The following ROCK2 variants were observed in gnomAD, a reference collection of about 807,000 sequenced individuals.
The protein encoded by ROCK2 is Rho associated coiled-coil containing protein kinase 2.
A neutral mutation model predicts 195.1 loss-of-function variants in ROCK2; 61 were observed. The ratio of observed to expected loss-of-function variants is 0.31; its 90% confidence interval spans 0.25 to 0.39. ROCK2 has a LOEUF of 0.39. Ranked by LOEUF, ROCK2 falls within the 10% of genes least tolerant of loss-of-function variation. The probability of loss-of-function intolerance (pLI) is 1.00; values close to 1 mark genes in which losing one functional copy is unlikely to be tolerated. For synonymous variants in ROCK2, 504 were observed against 545.5 expected (o/e 0.92, Z 1.06); for missense variants, 1,109 against 1,637.4 (o/e 0.68, Z 5.57).
chr2:11,326,921 G>A (rs999841749), intron 1 of ROCK2, among the ~76,000 whole-genome samples: 4 of 152,168 alleles, frequency 2.6e-5, no homozygotes, highest in African/African-American at 7.2e-5. Flanking sequence ...GAGACCATCC[G>A]GGGAGGATAC....
At position 11,192,650 on chromosome 2, in the gene ROCK2, T is replaced by C. The variant is rs1308954432; in HGVS notation, c.3750A>G (p.Gly1250=). 6.2e-7 allele frequency: 1 copy of C among 1,613,972 alleles called. No individual in the cohort carries two copies. The highest frequency in any genetic ancestry group is 1.3e-5 in the African/African-American group (1 of 75,060). Residue 1250 remains glycine, a synonymous_variant, in exon 31 of 33, where the codon GGA becomes GGG. Coordinates refer to ENST00000315872, the MANE Select transcript of ROCK2 (RefSeq NM_004850.5). This position sits in a 1 kb window ranked among gnomAD's most constrained non-coding sequence, Gnocchi z 5.0. ...TGTGGCAAATATAATTAGATTTTTCTCCAACTGGCTCCACTGGAAATTCTT... is the reference window on the plus strand; with the variant it reads ...TGTGGCAAATATAATTAGATTTTTCCCCAACTGGCTCCACTGGAAATTCTT... The part of the protein sequence containing the change: ...KEQEFPVEPV[G]EKSNYICHKG...
intron 1 of ROCK2, among the ~76,000 whole-genome samples, chr2:11,290,779 A>G (rs982099417): frequency 6.6e-6 from 1 of 152,190 alleles, no homozygotes; most frequent in African/African-American, 2.4e-5. Flanking sequence ...TGATTACGAG[A>G]AAATCAGTAC....
intron 1 of ROCK2, among the ~76,000 whole-genome samples, chr2:11,317,008 A>G (rs1339863599): frequency 6.6e-6 from 1 of 152,144 alleles, no homozygotes; most frequent in Non-Finnish European, 1.5e-5. Flanking sequence ...GAAGCTTAAT[A>G]GTTTGAGACC....
intron 4 of ROCK2, among the ~76,000 whole-genome samples, chr2:11,242,117 A>G (rs1411327290): frequency 6.6e-6 from 1 of 152,198 alleles, no homozygotes; most frequent in African/African-American, 2.4e-5. Flanking sequence ...GAACTTTGGG[A>G]AATAAATTTC....
intron 1 of ROCK2, among the ~76,000 whole-genome samples, chr2:11,310,671 A>G (rs1448014900): frequency 6.6e-6 from 1 of 152,104 alleles, no homozygotes; most frequent in Non-Finnish European, 1.5e-5. Context: ...GCTCTGCAAA[A>G]TTCACAAAAA....
chr2:11,301,532 T>C (rs1667704428), intron 1 of ROCK2, among the ~76,000 whole-genome samples: 2 of 152,032 alleles, frequency 1.3e-5, no homozygotes, highest in South Asian at 4.1e-4. Flanking sequence ...ATCCCAGCAC[T>C]TTGGGAGGCT....
At chr2:11,322,574 T>A (rs1374083475) in intron 1 of ROCK2, among the ~76,000 whole-genome samples, 1 of 152,108 alleles carries the variant, frequency 6.6e-6, no homozygotes, top group Non-Finnish European at 1.5e-5. Context: ...GTTTGTTATC[T>A]GCTGCTCAAA....
intron 3 of ROCK2, among the ~76,000 whole-genome samples, chr2:11,271,375 A>G (rs974381467): frequency 6.6e-6 from 1 of 152,078 alleles, no homozygotes; most frequent in Non-Finnish European, 1.5e-5. Context: ...CTTGACCACC[A>G]CTTAGCCCCC....
At chr2:11,188,876 G>A (rs971278539) in intron 32 of ROCK2, among the ~76,000 whole-genome samples, 6 of 151,766 alleles carry the variant, frequency 4.0e-5, no homozygotes, top group Admixed American at 2.6e-4. Flanking sequence ...CACCTGCCTC[G>A]GCCTCCCAAA....
intron 6 of ROCK2, among the ~76,000 whole-genome samples, chr2:11,224,791 G>T (rs757590582): frequency 8.6e-5 from 13 of 151,670 alleles, no homozygotes; most frequent in Non-Finnish European, 1.6e-4. Context: ...TCCTATGTGG[G>T]GTCAGATCAG....
intron 3 of ROCK2, among the ~76,000 whole-genome samples, chr2:11,270,609 T>C (rs901378830): frequency 2.6e-5 from 4 of 152,228 alleles, no homozygotes; most frequent in Non-Finnish European, 5.9e-5. Flanking sequence ...CTTAGAGATA[T>C]TTTATCAACC....
chr2:11,292,338 A>G (rs1667387946), intron 1 of ROCK2, among the ~76,000 whole-genome samples: 1 of 152,144 alleles, frequency 6.6e-6, no homozygotes, highest in Non-Finnish European at 1.5e-5. Context: ...TGTGCAAAGC[A>G]CTATACATGC....
intron 3 of ROCK2, among the ~76,000 whole-genome samples, chr2:11,264,544 A>G (rs2148152600): frequency 6.6e-6 from 1 of 152,288 alleles, no homozygotes; most frequent in South Asian, 2.1e-4. Flanking sequence ...GATTTCACAC[A>G]TTTTAGAGAT....
At chr2:11,319,833 T>C (rs1408154000) in intron 1 of ROCK2, among the ~76,000 whole-genome samples, 2 of 152,174 alleles carry the variant, frequency 1.3e-5, no homozygotes, top group African/African-American at 2.4e-5. Context: ...GAAATAATGG[T>C]AATTTTTAAA....
intron 3 of ROCK2, among the ~76,000 whole-genome samples, chr2:11,273,735 G>C (rs538883768): frequency 1.3e-5 from 2 of 152,182 alleles, no homozygotes; most frequent in East Asian, 1.9e-4. Flanking sequence ...TCAGGCCACA[G>C]ACTAAGTCTC....
At chr2:11,252,149 G>A (rs1665852171) in intron 3 of ROCK2, among the ~76,000 whole-genome samples, 2 of 152,060 alleles carry the variant, frequency 1.3e-5, no homozygotes, top group Admixed American at 6.6e-5. Flanking sequence ...GGTGGCTCAC[G>A]CCTGTAAACC....
intron 4 of ROCK2, among the ~76,000 whole-genome samples, chr2:11,243,726 A>G (rs1665513730): frequency 6.6e-6 from 1 of 152,222 alleles, no homozygotes; most frequent in African/African-American, 2.4e-5. Flanking sequence ...GTCACAGCCA[A>G]GAAGAGCCCA....
rs968013894 is a variant in ROCK2 at position 11,192,253 on chromosome 2, G to A, written c.4058C>T (p.Pro1353Leu). The change falls in exon 32 of 33, where the codon CCA becomes CTA. Residue 1353 changes from proline (P) to leucine (L), a missense_variant. Physicochemically the swap from Pro to Leu is moderately conservative, Grantham distance 98 (BLOSUM62 -3). Around this residue, in one of 6 missense-constraint regions of ROCK2, gnomAD observed 221 missense variants for 355.1 expected, o/e 0.62. Coordinates refer to ENST00000315872, the MANE Select transcript of ROCK2 (RefSeq NM_004850.5). The surrounding 1 kb of genome is among the most constrained non-coding windows in gnomAD (Gnocchi z 5.0). The part of the protein sequence containing the change: ...RLVKKIPKKP[P>L]APDPFARSSP... ...TGATCGGGCAAAAGGGTCTGGAGCT[G>A]GGGGCTTTTTAGGTATCTTTTTCAC... 8 of 1,613,762 alleles carry A rather than the reference G, an allele frequency of 5.0e-6. No homozygotes were observed. The highest frequency in any genetic ancestry group is 6.8e-6 in the Non-Finnish European group (8 of 1,179,868).
chr2:11,262,594 G>C (rs1666267432), intron 3 of ROCK2, among the ~76,000 whole-genome samples: 1 of 152,140 alleles, frequency 6.6e-6, no homozygotes, highest in Non-Finnish European at 1.5e-5. Context: ...TTATAAGGGG[G>C]GAGTTTTCCT....
Sources: gnomAD v4.1 joint callset for allele counts (sites outside exome capture counted in the v4.1 genomes callset) on GRCh38, gnomAD v4.1.1 for gene constraint, gnomAD v4.1.1 regional missense constraint, Gnocchi (gnomAD v3.1) non-coding constraint, MANE v1.5 for transcripts, NCBI Gene and HGNC (gene_info 2026-07-23, HGNC 2026-07-21) for gene names.